Variants in PDE8B observed in about 807,000 individuals in gnomAD.
The protein encoded by PDE8B is phosphodiesterase 8B, also known as high affinity cAMP-specific and IBMX-insensitive 3',5'-cyclic phosphodiesterase 8B.
In PDE8B, 26 loss-of-function variants were observed where a neutral mutation model predicts 101.3. That is an observed-to-expected ratio of 0.26 (90% CI 0.19 to 0.36). PDE8B has a LOEUF of 0.36. PDE8B is among the 10% of genes least tolerant of loss of function. The pLI is 1.00. For synonymous variants in PDE8B, 424 were observed against 429.3 expected, an observed-to-expected ratio of 0.99 and a Z score of 0.15; for missense variants, 810 against 1,163.1, an observed-to-expected ratio of 0.70 and a Z score of 4.42.
At chr5:77,232,250 TA>T (rs1381302995) in intron 1 of PDE8B, among the ~76,000 whole-genome samples, 5 of 152,260 alleles carry the variant, frequency 3.3e-5, no homozygotes, top group African/African-American at 7.2e-5. Context: ...TTTTAGGTTG[TA>T]AACTTTGTTA....
At chr5:77,424,819 G>GTTTTTTTTTTTT (rs912849753) in intron 20 of PDE8B, among the ~76,000 whole-genome samples, 5 of 110,034 alleles carry the variant, frequency 4.5e-5, no homozygotes, top group African/African-American at 6.4e-5. Flanking sequence ...CTGTTTTTTT[G>GTTTTTTTTTTTT]TTTTTTGTTT....
intron 16 of PDE8B, among the ~76,000 whole-genome samples, 178 bp from the exon 17 acceptor site, chr5:77,412,933 G>A (rs1183373560): frequency 1.3e-5 from 2 of 152,152 alleles, no homozygotes; most frequent in East Asian, 1.9e-4. Context: ...GTTCCAAAGA[G>A]GTGACTGGTG....
At chr5:77,126,937 T>G in the PDE8B span, among the ~76,000 whole-genome samples, 824 of 152,326 alleles carry the variant, frequency 5.4e-3, 12 homozygotes, top group African/African-American at 0.019. Flanking sequence ...CTTTATTTAT[T>G]ATAGGCCACT....
chr5:77,182,076 A>G, the PDE8B span, among the ~76,000 whole-genome samples: 2 of 152,058 alleles, frequency 1.3e-5, no homozygotes, highest in African/African-American at 4.8e-5. Context: ...TTCCAAGCTC[A>G]GTGGTACCAC....
At chr5:77,262,696 G>A (rs546986817) in intron 1 of PDE8B, among the ~76,000 whole-genome samples, 1 of 152,148 alleles carries the variant, frequency 6.6e-6, no homozygotes, top group Non-Finnish European at 1.5e-5. Flanking sequence ...TTCTACTTCT[G>A]TCTTTAGTGC....
At chr5:77,255,565 C>G (rs1235221205) in intron 1 of PDE8B, among the ~76,000 whole-genome samples, 1 of 152,240 alleles carries the variant, frequency 6.6e-6, no homozygotes, top group South Asian at 2.1e-4. Flanking sequence ...GCAACACTTA[C>G]TCCTCACCTC....
At chr5:77,389,998 G>A (rs1026083589) in intron 10 of PDE8B, among the ~76,000 whole-genome samples, 12 of 152,176 alleles carry the variant, frequency 7.9e-5, no homozygotes, top group Admixed American at 7.9e-4. Context: ...AATTTTAAAA[G>A]AAACTGGCAG....
intron 1 of PDE8B, among the ~76,000 whole-genome samples, chr5:77,303,768 T>C (rs1332489606): frequency 6.6e-6 from 1 of 152,200 alleles, no homozygotes; most frequent in Admixed American, 6.5e-5. Context: ...TTTGTAAACT[T>C]CAAGTGGTAT....
chr5:77,234,714 C>A (rs1400475822), intron 1 of PDE8B, among the ~76,000 whole-genome samples: 2 of 152,168 alleles, frequency 1.3e-5, no homozygotes, highest in African/African-American at 4.8e-5. Context: ...GATTCCTAGA[C>A]CCCTGACGTC....
chr5:77,250,808 G>C (rs1019991703), intron 1 of PDE8B, among the ~76,000 whole-genome samples: 2 of 152,322 alleles, frequency 1.3e-5, no homozygotes, highest in Non-Finnish European at 1.5e-5. Flanking sequence ...GGGCCGCCAA[G>C]GTCCCTCTTC....
chr5:77,117,200 G>A, the PDE8B span, among the ~76,000 whole-genome samples: 1 of 152,192 alleles, frequency 6.6e-6, no homozygotes, highest in Non-Finnish European at 1.5e-5. Context: ...AAAAGTTCTG[G>A]TAGTCTGTTT....
intron 1 of PDE8B, among the ~76,000 whole-genome samples, chr5:77,239,945 A>G (rs1170532744): frequency 6.6e-6 from 1 of 152,166 alleles, no homozygotes; most frequent in Non-Finnish European, 1.5e-5. Context: ...AAAACACAGC[A>G]GCAACCCTAA....
At chr5:77,148,893 A>G in the PDE8B span, among the ~76,000 whole-genome samples, 2 of 152,188 alleles carry the variant, frequency 1.3e-5, no homozygotes, top group Admixed American at 6.5e-5. Context: ...AGTCTAATGT[A>G]TCACTTCTTC....
In PDE8B at chr5:77,226,305, T is replaced by A. The variant is rs572275681; in HGVS notation, c.339+15041T>A. On this transcript the variant is annotated intron_variant, in intron 1 of 21. Transcript: ENST00000264917. ...ATGTTATGCATTTCATACCATTGTT[T>A]AAAATACACATTAACATATGTTCTG... Among the ~76,000 whole-genome samples, 13 of 152,256 alleles carry A rather than the reference T, an allele frequency of 8.5e-5. No individual in the cohort carries two copies. The East Asian group carries it at 2.1e-3, about 25-fold the overall frequency.
At chr5:77,210,397 C>G, upstream of PDE8B, 1 of 152,792 alleles carries the variant, frequency 6.5e-6, no homozygotes, top group South Asian at 1.9e-4. The surrounding 1 kb of genome is among the most constrained non-coding windows in gnomAD (Gnocchi z 4.9). Context: ...GCAGTGGGGC[C>G]CGGGCGGCTG....
At chr5:77,383,579 G>A (rs1173796202) in intron 10 of PDE8B, among the ~76,000 whole-genome samples, 2 of 152,182 alleles carry the variant, frequency 1.3e-5, no homozygotes, top group African/African-American at 2.4e-5. Flanking sequence ...GAATGGTATT[G>A]CCTAGGTTTT....
rs145610571 is a variant in PDE8B, at chr5:77,404,148, C to T, written c.1211-572C>T. 2.9e-3 allele frequency among the ~76,000 whole-genome samples: 438 copies of T among 152,092 alleles called. 1 individual carries two copies. Among genetic ancestry groups the T allele is most frequent in the African/African-American group, 9.6e-3 (398 of 41,484 alleles). On this transcript the variant is annotated intron_variant, in intron 11 of 21. Transcript: ENST00000264917. ...GATTACAGGCATGCTCAACCATGCC[C>T]GGCTAATTTTTGTATTTTTAGTAGA...
the PDE8B span, chr5:77,147,100 C>A: frequency 8.1e-6 from 3 of 372,376 alleles, no homozygotes; most frequent in South Asian, 2.5e-5. Context: ...GGAGTTGTCA[C>A]GGCTAAAAAA....
At chr5:77,116,035 C>A in the PDE8B span, among the ~76,000 whole-genome samples, 1 of 151,818 alleles carries the variant, frequency 6.6e-6, no homozygotes, top group Non-Finnish European at 1.5e-5. Flanking sequence ...TTCGATAGAA[C>A]GGTCTCACAA....
Sources: allele counts gnomAD v4.1 joint callset (sites outside exome capture counted in the v4.1 genomes callset), GRCh38; gene constraint gnomAD v4.1.1; non-coding constraint Gnocchi (gnomAD v3.1); transcripts MANE v1.5; gene names NCBI Gene and HGNC (gene_info 2026-07-23, HGNC 2026-07-21).